GPC6: variants seen among roughly 807,000 people sequenced by gnomAD.
GPC6 encodes the protein glypican 6, also known as glypican-6.
A neutral mutation model predicts 55.2 loss-of-function variants in GPC6; 14 were observed. That is an observed-to-expected ratio of 0.25 (90% CI 0.17 to 0.40). The LOEUF (loss-of-function observed/expected upper bound fraction) is 0.40. GPC6 is among the 10% of genes least tolerant of loss of function. The pLI is 1.00. For synonymous variants in GPC6, 278 were observed against 259.6 expected (o/e 1.07, Z -0.68); for missense variants, 641 against 708.5 (o/e 0.90, Z 1.08).
intron 1 of GPC6, among the ~76,000 whole-genome samples, chr13:93,303,152 A>G (rs931512380): frequency 1.3e-5 from 2 of 152,170 alleles, no homozygotes; most frequent in South Asian, 2.1e-4. Flanking sequence ...CACTACTTCA[A>G]TGGAGCCCCA....
intron 1 of GPC6, among the ~76,000 whole-genome samples, chr13:93,533,152 A>G (rs1196660241): frequency 6.6e-6 from 1 of 152,112 alleles, no homozygotes; most frequent in Non-Finnish European, 1.5e-5. Context: ...GCTTATTTGG[A>G]GGTTTAGGGT....
intron 8 of GPC6, among the ~76,000 whole-genome samples, chr13:94,400,106 C>T (rs536476295): frequency 1.9e-4 from 29 of 152,296 alleles, no homozygotes; most frequent in Middle Eastern, 3.4e-3. Flanking sequence ...ACTCCATTTC[C>T]CCTCAAAAGA....
intron 1 of GPC6, among the ~76,000 whole-genome samples, chr13:93,261,034 A>G (rs531586086): frequency 1.3e-5 from 2 of 152,074 alleles, no homozygotes; most frequent in Admixed American, 6.6e-5. Context: ...CTTCACTAAT[A>G]CCAGATAATT....
intron 4 of GPC6, among the ~76,000 whole-genome samples, chr13:94,249,002 A>G (rs1891277143): frequency 6.6e-6 from 1 of 152,148 alleles, no homozygotes. Context: ...CATATATGCC[A>G]ACATGCTCAG....
At chr13:93,850,259 G>C (rs1888347753) in intron 3 of GPC6, among the ~76,000 whole-genome samples, 1 of 151,934 alleles carries the variant, frequency 6.6e-6, no homozygotes, top group Non-Finnish European at 1.5e-5. Context: ...GGCAGGTGCA[G>C]TGGGTGCGAT....
At chr13:93,481,895 C>T (rs1181679946) in intron 1 of GPC6, among the ~76,000 whole-genome samples, 2 of 152,026 alleles carry the variant, frequency 1.3e-5, no homozygotes, top group Admixed American at 6.6e-5. Flanking sequence ...TTACTATTTG[C>T]GTTCCCTTGC....
At chr13:93,654,687 C>T (rs1269998123) in intron 2 of GPC6, among the ~76,000 whole-genome samples, 1 of 152,112 alleles carries the variant, frequency 6.6e-6, no homozygotes, top group Non-Finnish European at 1.5e-5. Context: ...TTCAACGTGG[C>T]AAATTAAGTA....
chr13:93,664,561 CAT>C lies in GPC6; in HGVS notation c.319+119141_319+119142del, dbSNP rs138871019. On this transcript the variant is annotated intron_variant, in intron 2 of 8. Transcript: ENST00000377047. ...TGTTTCCAGTGTCATTACTATTACA[CAT>C]GTTTCTATCATTATTGCCATCTTCA... Among the ~76,000 whole-genome samples the C allele has an allele frequency of 7.9e-3, 1,198 of 152,254 alleles. 23 individuals are homozygous for C. The highest frequency in any genetic ancestry group is 0.027 in the African/African-American group (1,120 of 41,546).
chr13:94,142,046 A>C (rs1436996234), intron 4 of GPC6, among the ~76,000 whole-genome samples: 1 of 151,570 alleles, frequency 6.6e-6, no homozygotes, highest in Admixed American at 6.6e-5. Flanking sequence ...CTTATTGAAT[A>C]TCCTATTGCC....
Position 93,952,875 on chromosome 13 carries a change from CAT to C in GPC6, c.712-74845_712-74844del, listed in dbSNP as rs1403581435. ...ATACGTATATATATGTATATATATA[CAT>C]ATATATATGTGTGATATATACGTGT... is the stretch of plus-strand genomic sequence containing the variant. On this transcript the variant is annotated intron_variant, in intron 3 of 8. Transcript: ENST00000377047. Among the ~76,000 whole-genome samples, 517 of 107,176 alleles carry C rather than the reference CAT, an allele frequency of 4.8e-3. 3 individuals carry two copies. Among genetic ancestry groups the C allele is most frequent in the African/African-American group, 0.013 (449 of 33,846 alleles). The allele number at this position is 107,176 out of a possible 152,430, so 70.3% of individuals were successfully genotyped here.
chr13:94,314,853 T>C (rs1876439901), intron 6 of GPC6, among the ~76,000 whole-genome samples: 1 of 152,180 alleles, frequency 6.6e-6, no homozygotes, highest in African/African-American at 2.4e-5. Flanking sequence ...ATGGAATACA[T>C]TTTAAAGGAC....
intron 3 of GPC6, among the ~76,000 whole-genome samples, chr13:93,980,336 T>C (rs1175253630): frequency 6.6e-6 from 1 of 152,178 alleles, no homozygotes; most frequent in Non-Finnish European, 1.5e-5. Flanking sequence ...GTTTTCTTTG[T>C]TTTGCTGAGC....
chr13:93,370,575 G>T (rs780220149), intron 1 of GPC6, among the ~76,000 whole-genome samples: 4 of 152,012 alleles, frequency 2.6e-5, no homozygotes, highest in Non-Finnish European at 5.9e-5. Flanking sequence ...GTTAATTCAG[G>T]GGTTCCATGA....
intron 4 of GPC6, among the ~76,000 whole-genome samples, chr13:94,147,478 A>G (rs1292235552): frequency 6.6e-6 from 1 of 152,210 alleles, no homozygotes; most frequent in Non-Finnish European, 1.5e-5. Context: ...TCTCATAAAT[A>G]AAGTATGAGT....
At chr13:94,064,865 G>A (rs1217483245) in intron 4 of GPC6, among the ~76,000 whole-genome samples, 1 of 152,006 alleles carries the variant, frequency 6.6e-6, no homozygotes, top group Non-Finnish European at 1.5e-5. Flanking sequence ...AACCTCCCAA[G>A]TACTCTTGGT....
intron 2 of GPC6, among the ~76,000 whole-genome samples, chr13:93,686,604 T>C (rs1461426874): frequency 2.0e-5 from 3 of 152,188 alleles, no homozygotes; most frequent in Non-Finnish European, 2.9e-5. Flanking sequence ...CTGCTACCAT[T>C]GACTGCCTAG....
At chr13:94,339,331 T>C (rs942858632) in intron 6 of GPC6, among the ~76,000 whole-genome samples, 3 of 152,174 alleles carry the variant, frequency 2.0e-5, no homozygotes, top group African/African-American at 7.2e-5. Context: ...CCCAAAGTGC[T>C]GGGATTACAG....
At chr13:93,230,473 G>A (rs952796263) in intron 1 of GPC6, among the ~76,000 whole-genome samples, 13 of 152,128 alleles carry the variant, frequency 8.5e-5, no homozygotes, top group African/African-American at 2.7e-4. Flanking sequence ...CCATGGCAAG[G>A]AGATCAGATA....
chr13:94,074,811 C>T (rs981133207), intron 4 of GPC6, among the ~76,000 whole-genome samples: 1 of 152,176 alleles, frequency 6.6e-6, no homozygotes. Flanking sequence ...ATCTCCTCAT[C>T]ATTTATGTAT....
Sources: gnomAD v4.1 joint callset for allele counts (sites outside exome capture counted in the v4.1 genomes callset) on GRCh38, gnomAD v4.1.1 for gene constraint, MANE v1.5 for transcripts, NCBI Gene and HGNC (gene_info 2026-07-23, HGNC 2026-07-21) for gene names.